REC114: variants seen among roughly 807,000 people sequenced by gnomAD.
The protein encoded by REC114 is REC114 meiotic recombination protein, also known as meiotic recombination protein REC114.
A neutral mutation model predicts 31.3 loss-of-function variants in REC114; 27 were observed. That is an observed-to-expected ratio of 0.86 (90% CI 0.64 to 1.19). The LOEUF (loss-of-function observed/expected upper bound fraction) is 1.19. Among genes scored for constraint, REC114 ranks in the 50% most tolerant of loss-of-function variants. The pLI, the probability that REC114 is intolerant of heterozygous loss-of-function variation, is 0.00. For missense variants in REC114, 344 were observed against 326.9 expected, an observed-to-expected ratio of 1.05 and a Z score of -0.40; for synonymous variants, 134 against 127.7, an observed-to-expected ratio of 1.05 and a Z score of -0.33.
intron 2 of REC114, among the ~76,000 whole-genome samples, chr15:73,507,539 G>A (rs1893697869): frequency 6.6e-6 from 1 of 152,102 alleles, no homozygotes; most frequent in Non-Finnish European, 1.5e-5. Context: ...GACCTAGGTG[G>A]CTGGAGGACA....
chr15:73,521,260 C>T (rs977461696), intron 2 of REC114, among the ~76,000 whole-genome samples: 1 of 152,176 alleles, frequency 6.6e-6, no homozygotes, highest in East Asian at 1.9e-4. Flanking sequence ...AAAACAACAA[C>T]TGACATACTG....
At chr15:73,498,365 G>T (rs1253593947) in intron 2 of REC114, among the ~76,000 whole-genome samples, 2 of 151,622 alleles carry the variant, frequency 1.3e-5, no homozygotes, top group Non-Finnish European at 1.5e-5. Context: ...TAAGGTAGGG[G>T]TGTGTGTGTG....
intron 3 of REC114, among the ~76,000 whole-genome samples, chr15:73,545,674 A>C (rs1051991491): frequency 6.6e-6 from 1 of 152,180 alleles, no homozygotes; most frequent in Non-Finnish European, 1.5e-5. Flanking sequence ...TCCAAAAAAA[A>C]CCCTAGCTAT....
intron 2 of REC114, among the ~76,000 whole-genome samples, chr15:73,484,334 A>G (rs570800107): frequency 1.8e-4 from 28 of 152,060 alleles, no homozygotes; most frequent in Non-Finnish European, 3.5e-4. Flanking sequence ...TCACCCTTAT[A>G]TATCAAGTTG....
intron 1 of REC114, among the ~76,000 whole-genome samples, chr15:73,447,648 AAAATAAATAAATAAAT>A (rs60241454): frequency 1.5e-4 from 21 of 143,406 alleles, no homozygotes; most frequent in Middle Eastern, 3.5e-3. Flanking sequence ...ACTCTGTCTC[AAAATAAATAAATAAAT>A]AAATAAATAA....
At chr15:73,523,244 T>G (rs1893960700) in intron 2 of REC114, among the ~76,000 whole-genome samples, 1 of 151,708 alleles carries the variant, frequency 6.6e-6, no homozygotes, top group Admixed American at 6.6e-5. Context: ...GATTCATGAA[T>G]CAGGCAGCCC....
rs536103884 is a variant in REC114 at position 73,549,095 on chromosome 15, A to G, written c.334-1843A>G. ...CTAGGCTTAATACCTGGGTGACGCA[A>G]TAATCTGTACAACAAACTCCCATGA... On this transcript the variant is annotated intron_variant, in intron 3 of 5. Coordinates refer to ENST00000331090, the MANE Select transcript of REC114 (RefSeq NM_001042367.2). Among the ~76,000 whole-genome samples the G allele has an allele frequency of 1.3e-3, 200 of 152,310 alleles. 1 individual carries two copies. Among genetic ancestry groups the G allele is most frequent in the Middle Eastern group, 3.4e-3 (1 of 294 alleles).
intron 2 of REC114, among the ~76,000 whole-genome samples, chr15:73,477,651 C>G (rs1893233591): frequency 6.6e-6 from 1 of 152,112 alleles, no homozygotes; most frequent in Non-Finnish European, 1.5e-5. Context: ...CTCCTGGACT[C>G]AGGCGATCCT....
intron 2 of REC114, among the ~76,000 whole-genome samples, chr15:73,486,090 C>T (rs1475027682): frequency 6.6e-6 from 1 of 152,122 alleles, no homozygotes; most frequent in Non-Finnish European, 1.5e-5. Context: ...GGCAATCTTC[C>T]ACCATACCTT....
intron 1 of REC114, among the ~76,000 whole-genome samples, chr15:73,462,757 C>A (rs966504464): frequency 1.3e-5 from 2 of 151,850 alleles, no homozygotes; most frequent in South Asian, 2.1e-4. Flanking sequence ...TGGTAGCGGG[C>A]ACCTGTAGTC....
intron 2 of REC114, among the ~76,000 whole-genome samples, chr15:73,487,002 CAA>C (rs1026869776): frequency 1.3e-5 from 2 of 151,756 alleles, no homozygotes; most frequent in Non-Finnish European, 2.9e-5. Flanking sequence ...GCCTGGACAA[CAA>C]GAGCGAAACT....
At chr15:73,470,394 C>A (rs1157585326) in intron 1 of REC114, among the ~76,000 whole-genome samples, 1 of 152,086 alleles carries the variant, frequency 6.6e-6, no homozygotes, top group East Asian at 1.9e-4. Flanking sequence ...ATAACATTTT[C>A]TTTCTTCCTG....
chr15:73,476,812 T>C (rs1893221478), intron 2 of REC114, among the ~76,000 whole-genome samples: 1 of 152,234 alleles, frequency 6.6e-6, no homozygotes, highest in Admixed American at 6.5e-5. Context: ...TTTTCATTTT[T>C]TCAGCTGTTA....
chr15:73,543,283 T>A (rs950618781), intron 3 of REC114, among the ~76,000 whole-genome samples: 2 of 152,220 alleles, frequency 1.3e-5, no homozygotes, highest in East Asian at 3.8e-4. Flanking sequence ...GCACAGACTT[T>A]TTAAACATTT....
At chr15:73,558,412 C>G (rs955574146) in intron 5 of REC114, among the ~76,000 whole-genome samples, 1 of 152,186 alleles carries the variant, frequency 6.6e-6, no homozygotes, top group Non-Finnish European at 1.5e-5. Context: ...ACTGTGGATC[C>G]GGTGTTGCCA....
chr15:73,539,362 C>T (rs554074411), intron 2 of REC114, among the ~76,000 whole-genome samples: 41 of 134,768 alleles, frequency 3.0e-4, no homozygotes, highest in African/African-American at 1.0e-3. Context: ...GCAATCTCGG[C>T]TCACTGCAAC....
chr15:73,493,953 T>C (rs1220721760), intron 2 of REC114, among the ~76,000 whole-genome samples: 1 of 152,200 alleles, frequency 6.6e-6, no homozygotes, highest in African/African-American at 2.4e-5. Flanking sequence ...ATGAGGGCTT[T>C]CTTATTTTTT....
At chr15:73,495,261 C>G (rs1400746672) in intron 2 of REC114, among the ~76,000 whole-genome samples, 4 of 151,982 alleles carry the variant, frequency 2.6e-5, no homozygotes, top group Non-Finnish European at 5.9e-5. Flanking sequence ...ATATTGGAGT[C>G]AAAGACATTT....
In REC114 at chr15:73,461,262, A is replaced by G. The variant is rs1166041961; in HGVS notation, c.160-12570A>G. 3.3e-5 allele frequency among the ~76,000 whole-genome samples: 5 copies of G among 152,186 alleles called. No homozygotes were observed. In the East Asian group the frequency reaches 9.6e-4, roughly 29 times the overall value. On this transcript the variant is annotated intron_variant, in intron 1 of 5. Coordinates refer to ENST00000331090, the MANE Select transcript of REC114 (RefSeq NM_001042367.2). Reference sequence around the variant, plus strand: ...CACTTTTATTAGCATAATACACTCTACAAGTTTGTTGAAATAATTTATGAG... The same window carrying G: ...CACTTTTATTAGCATAATACACTCTGCAAGTTTGTTGAAATAATTTATGAG...
Sources: gnomAD v4.1 joint callset for allele counts (sites outside exome capture counted in the v4.1 genomes callset) on GRCh38, gnomAD v4.1.1 for gene constraint, MANE v1.5 for transcripts, NCBI Gene and HGNC (gene_info 2026-07-23, HGNC 2026-07-21) for gene names.